Variants in EDEM1 observed in about 807,000 individuals in gnomAD.
EDEM1 encodes the protein ER degradation enhancing alpha-mannosidase like protein 1.
A neutral mutation model predicts 74.4 loss-of-function variants in EDEM1; 67 were observed. The observed-to-expected ratio is 0.90, with a 90% confidence interval of 0.74 to 1.10. The LOEUF is 1.10. Ranked by LOEUF, EDEM1 falls within the 50% of genes least tolerant of loss-of-function variation. EDEM1 has a pLI of 0.00. For missense variants in EDEM1, 926 were observed against 851.6 expected, an observed-to-expected ratio of 1.09 and a Z score of -1.09; for synonymous variants, 382 against 335.9, an observed-to-expected ratio of 1.14 and a Z score of -1.50.
At chr3:5,202,532 G>C (rs2055046596) in intron 4 of EDEM1, among the ~76,000 whole-genome samples, 1 of 152,216 alleles carries the variant, frequency 6.6e-6, no homozygotes, top group South Asian at 2.1e-4. Flanking sequence ...GAAACTGGCT[G>C]TCATATTCTG....
rs1428606925 is a variant in EDEM1, at chr3:5,202,904, G to C, written c.859-62G>C. On this transcript the variant is annotated intron_variant, in intron 4 of 11. Coordinates refer to ENST00000256497, the MANE Select transcript of EDEM1 (RefSeq NM_014674.3). Reference sequence around the variant, plus strand: ...TAGCTGAGTGTAGTCTCTGAGACCCGGCTTTTCAGCTCTGTGGATTCCTTG... The same window carrying C: ...TAGCTGAGTGTAGTCTCTGAGACCCCGCTTTTCAGCTCTGTGGATTCCTTG... 5.9e-6 allele frequency: 9 copies of C among 1,518,628 alleles called. No homozygotes were observed. The Admixed American group carries it at 1.1e-4, about 18-fold the overall frequency. The allele number at this position is 1,518,628 out of a possible 1,614,324, so 94.1% of individuals were successfully genotyped here. A position where few individuals can be genotyped will look rare whatever the true frequency, so the allele number is the denominator to read the frequency against.
intron 11 of EDEM1, 39 bp from the exon 12 acceptor site, chr3:5,215,790 A>G (rs766177879): frequency 2.6e-6 from 4 of 1,556,426 alleles, no homozygotes; most frequent in South Asian, 1.1e-5. Context: ...AGAGAGCAAC[A>G]TATGAGTTTT....
intron 2 of EDEM1, among the ~76,000 whole-genome samples, chr3:5,199,121 A>G (rs2106593258): frequency 6.6e-6 from 1 of 152,378 alleles, no homozygotes; most frequent in East Asian, 1.9e-4. Context: ...ATAACAATCA[A>G]CAAGTTCATT....
In EDEM1 at chr3:5,196,776, C is replaced by T. The variant is rs528621802; in HGVS notation, c.582+1495C>T. On this transcript the variant is annotated intron_variant, in intron 2 of 11. Coordinates refer to ENST00000256497, the MANE Select transcript of EDEM1 (RefSeq NM_014674.3). ...CAAAATGTGCCCAGACAAGTATGTT[C>T]GACCTTAGAGCTAATTTGTTGATGA... Among the ~76,000 whole-genome samples, 13 of 152,180 alleles carry T rather than the reference C, an allele frequency of 8.5e-5. No individual in the cohort carries two copies. The South Asian group carries it at 1.9e-3, about 22-fold the overall frequency.
In EDEM1 at chr3:5,213,301, T is replaced by C; in HGVS notation, c.1681-18T>C. The C allele has an allele frequency of 6.2e-7, 1 of 1,607,278 alleles. No individual in the cohort carries two copies. On this transcript the variant is annotated intron_variant, in intron 10 of 11. Transcript: ENST00000256497. ...GTGCTACAATTATTGGTTGTATCTT[T>C]TTCTCCGTTCCCTCTAGCTGTTTGA...
chr3:5,188,989 C>T (rs2054867380), intron 1 of EDEM1, among the ~76,000 whole-genome samples: 2 of 152,162 alleles, frequency 1.3e-5, no homozygotes, highest in Non-Finnish European at 2.9e-5. Flanking sequence ...AACGTCATCG[C>T]CCTGTACGAT....
At chr3:5,210,109 A>G in intron 8 of EDEM1, 66 bp from the exon 9 acceptor site, 3 of 1,425,472 alleles carry the variant, frequency 2.1e-6, no homozygotes, top group Non-Finnish European at 3.0e-6. Context: ...CGCAGTCACC[A>G]TGATGTTTGT....
rs80144077 is a variant in EDEM1 at position 5,215,690 on chromosome 3, G to A, written c.1885-139G>A. The A allele has an allele frequency of 0.012, 9,145 of 784,474 alleles. 548 individuals are homozygous for A. The African/African-American group carries it at 0.14, about 12-fold the overall frequency. 48.6% of individuals were successfully genotyped at this position (784,474 alleles called of 1,614,324 possible). A position where few individuals can be genotyped will look rare whatever the true frequency, so the allele number is the denominator to read the frequency against. ...GGGGTGCTGCTGACCGTCCTGCAGT[G>A]TACAGGCAGCTTCCACAACAGTTAC... is the stretch of plus-strand genomic sequence containing the variant. On this transcript the variant is annotated intron_variant, in intron 11 of 11. Transcript: ENST00000256497.
chr3:5,218,275 A>G lies in EDEM1; in HGVS notation c.*2357A>G, dbSNP rs1012075478. The G allele has an allele frequency of 3.9e-5, 6 of 152,006 alleles. No individual in the cohort carries two copies. The highest frequency in any genetic ancestry group is 3.3e-4 in the Admixed American group (5 of 15,264). The allele number at this position is 152,006 out of a possible 1,614,324, so 9.4% of individuals were successfully genotyped here. On this transcript the variant is annotated 3_prime_UTR_variant, in exon 12 of 12. Transcript: ENST00000256497. ...GTTGAGCTTCCAGACTACCCCGTCC[A>G]AAGTTTGATGCTATGTAGTCAGTGG...
At chr3:5,215,757 A>T in intron 11 of EDEM1, 72 bp from the exon 12 acceptor site, 1 of 1,379,094 alleles carries the variant, frequency 7.3e-7, no homozygotes, top group Non-Finnish European at 1.0e-6. Context: ...ACCCTGGATT[A>T]AGTCATCCAG....
At chr3:5,195,961 T>C (rs1196268550) in intron 2 of EDEM1, among the ~76,000 whole-genome samples, 1 of 152,252 alleles carries the variant, frequency 6.6e-6, no homozygotes, top group African/African-American at 2.4e-5. Context: ...TAAAGCAGTT[T>C]CCAGGGGACT....
chr3:5,199,272 A>G (rs1006980432), intron 2 of EDEM1, among the ~76,000 whole-genome samples: 18 of 152,222 alleles, frequency 1.2e-4, no homozygotes, highest in African/African-American at 2.7e-4. Context: ...AGAAACCACA[A>G]TGCCTGGCAT....
At chr3:5,193,603 T>C (rs2106587920) in intron 1 of EDEM1, among the ~76,000 whole-genome samples, 1 of 152,110 alleles carries the variant, frequency 6.6e-6, no homozygotes, top group East Asian at 1.9e-4. Context: ...ATCTAAAATT[T>C]TTTTTTTTTT....
At chr3:5,203,404 G>A (rs1352007525) in intron 5 of EDEM1, among the ~76,000 whole-genome samples, 1 of 152,168 alleles carries the variant, frequency 6.6e-6, no homozygotes, top group Non-Finnish European at 1.5e-5. Context: ...GAAAATTATT[G>A]TTAATGGAAA....
intron 8 of EDEM1, among the ~76,000 whole-genome samples, chr3:5,209,277 T>C (rs1238709007): frequency 6.6e-6 from 1 of 152,128 alleles, no homozygotes; most frequent in Non-Finnish European, 1.5e-5. Flanking sequence ...GAAAAGATAA[T>C]AGCCACCTGT....
intron 1 of EDEM1, among the ~76,000 whole-genome samples, chr3:5,192,007 T>C (rs887239793): frequency 1.3e-5 from 2 of 152,226 alleles, no homozygotes; most frequent in African/African-American, 4.8e-5. Context: ...AAACAAATAT[T>C]GGCCCCTCAA....
chr3:5,213,576 G>A (rs1003199143), intron 11 of EDEM1, 54 bp downstream of exon 11: 9 of 1,507,362 alleles, frequency 6.0e-6, no homozygotes, highest in Admixed American at 4.1e-5. Context: ...AAGATACTAT[G>A]AATTGCTTAG....
chr3:5,187,735 G>A lies in EDEM1; in HGVS notation c.-71G>A. The A allele has an allele frequency of 1.4e-6, 2 of 1,430,038 alleles. No individual in the cohort carries two copies. The highest frequency in any genetic ancestry group is 1.8e-6 in the Non-Finnish European group (2 of 1,092,184). The allele number at this position is 1,430,038 out of a possible 1,614,324, so 88.6% of individuals were successfully genotyped here. Reference sequence around the variant, plus strand: ...GGGGAAGCGAGCCGGGCTACGGGGCGAGCGCGGGGTGCGGTGGTCGGCGGG... The same window carrying A: ...GGGGAAGCGAGCCGGGCTACGGGGCAAGCGCGGGGTGCGGTGGTCGGCGGG... On this transcript the variant is annotated 5_prime_UTR_variant, in exon 1 of 12. Transcript: ENST00000256497.
At chr3:5,212,432 G>A (rs2106609883) in intron 10 of EDEM1, among the ~76,000 whole-genome samples, 1 of 152,322 alleles carries the variant, frequency 6.6e-6, no homozygotes, top group East Asian at 1.9e-4. Context: ...CCATCCAGCA[G>A]CCACTGGTGT....
Sources: gnomAD v4.1 joint callset for allele counts (sites outside exome capture counted in the v4.1 genomes callset) on GRCh38, gnomAD v4.1.1 for gene constraint, MANE v1.5 for transcripts, NCBI Gene and HGNC (gene_info 2026-07-23, HGNC 2026-07-21) for gene names.